Variants in CARD14 observed in about 807,000 individuals in gnomAD.
The protein encoded by CARD14 is caspase recruitment domain family member 14, also known as caspase recruitment domain-containing protein 14.
CARD14 carries 107 observed loss-of-function variants against 111.5 expected under a neutral mutation model. The ratio of observed to expected loss-of-function variants is 0.96; its 90% CI spans 0.82 to 1.13. The LOEUF is 1.13. Among genes scored for constraint, CARD14 ranks in the 50% most tolerant of loss-of-function variants. CARD14 has a pLI of 0.00. For synonymous variants in CARD14, 617 were observed against 579.6 expected (o/e 1.06, Z -0.93); for missense variants, 1,322 against 1,362.3 (o/e 0.97, Z 0.47).
At chr17:80,207,197 G>A (rs777317088) in intron 23 of CARD14, 112 bp downstream of exon 23, 38 of 669,008 alleles carry the variant, frequency 5.7e-5, no homozygotes, top group Non-Finnish European at 6.8e-5. Context: ...AAGCTGAGGC[G>A]CTGACAGGGC....
intron 10 of CARD14, 123 bp from the exon 11 acceptor site, chr17:80,191,200 A>T (rs1567881154): frequency 8.3e-7 from 1 of 1,206,100 alleles, no homozygotes; most frequent in Non-Finnish European, 1.2e-6. Flanking sequence ...AAGTTTGCAC[A>T]GCTCAGCGTG....
chr17:80,180,645 C>T (rs768972780), intron 4 of CARD14, among the ~76,000 whole-genome samples: 4 of 152,176 alleles, frequency 2.6e-5, no homozygotes, highest in Non-Finnish European at 4.4e-5. Flanking sequence ...GGCACGATCT[C>T]GGCTCTAGAG....
chr17:80,207,693 A>G (rs551725716), intron 23 of CARD14: 7 of 166,204 alleles, frequency 4.2e-5, no homozygotes, highest in Admixed American at 1.3e-4. Flanking sequence ...TCACTGGAAA[A>G]TGACATTTTA....
chr17:80,204,968 C>T (rs1469006011), intron 20 of CARD14, 67 bp from the exon 21 acceptor site: 16 of 1,372,324 alleles, frequency 1.2e-5, no homozygotes, highest in South Asian at 4.3e-5. Flanking sequence ...CAGTCCCTCC[C>T]GGGGCAGGGT....
chr17:80,189,993 A>C lies in CARD14; in HGVS notation c.963+121A>C, dbSNP rs987015306. On this transcript the variant is annotated intron_variant, in intron 9 of 23. Transcript: ENST00000648509. This position sits in a 1 kb window ranked among gnomAD's most constrained non-coding sequence, Gnocchi z 4.7. ...CGAGCTCACATAATTTTGCTGAACG[A>C]ATCTGTCGGCCTGTTCATCTGTCCC... 4 of 1,356,314 alleles carry C rather than the reference A, an allele frequency of 2.9e-6. No homozygotes were observed. In the South Asian group the frequency reaches 5.9e-5, roughly 20 times the overall value. The allele number at this position is 1,356,314 out of a possible 1,614,324, so 84.0% of individuals were successfully genotyped here.
At chr17:80,190,525 A>C (rs2040489395) in intron 9 of CARD14, among the ~76,000 whole-genome samples, 2 of 151,746 alleles carry the variant, frequency 1.3e-5, no homozygotes, top group African/African-American at 4.8e-5. Flanking sequence ...AGGCACGAGA[A>C]TCGCTTGAAC....
chr17:80,191,038 C>G (rs117097614), intron 10 of CARD14, 139 bp downstream of exon 10: 1 of 1,227,664 alleles, frequency 8.1e-7, no homozygotes, highest in Non-Finnish European at 1.1e-6. Context: ...TCGGTCCACA[C>G]GAAGTTTCTT....
At position 80,198,182 on chromosome 17, in the gene CARD14, C is replaced by T. The variant is rs2040787444; in HGVS notation, c.1658+20C>T. The T allele has an allele frequency of 6.2e-7, 1 of 1,613,120 alleles. No homozygotes were observed. Among genetic ancestry groups the T allele is most frequent in the African/African-American group, 1.3e-5 (1 of 75,030 alleles). On this transcript the variant is annotated intron_variant, in intron 15 of 23. Coordinates refer to ENST00000648509, the MANE Select transcript of CARD14 (RefSeq NM_001366385.1). The surrounding 1 kb of genome is among the most constrained non-coding windows in gnomAD (Gnocchi z 7.5). Reference sequence around the variant, plus strand: ...GGAGAGGTAAGCAGCAGGTGGGAATCCTCCGAGGCTGGCTGGGGAACCAGG... The same window carrying T: ...GGAGAGGTAAGCAGCAGGTGGGAATTCTCCGAGGCTGGCTGGGGAACCAGG...
intron 4 of CARD14, 103 bp from the exon 5 acceptor site, chr17:80,181,316 C>T (rs1279823166): frequency 4.7e-6 from 4 of 843,240 alleles, no homozygotes; most frequent in Non-Finnish European, 7.4e-6. Flanking sequence ...AAAGAGTGCG[C>T]CTTGCTAATT....
chr17:80,174,913 C>T (rs1223498958), intron 2 of CARD14, among the ~76,000 whole-genome samples: 1 of 152,178 alleles, frequency 6.6e-6, no homozygotes, highest in Non-Finnish European at 1.5e-5. Flanking sequence ...CACCTGTGCC[C>T]CCAGTGCCCC....
chr17:80,201,066 C>A lies in CARD14; in HGVS notation c.1852-678C>A, dbSNP rs1279118090. The A allele has an allele frequency of 6.6e-6, 1 of 152,380 alleles. No homozygotes were observed. Among genetic ancestry groups the A allele is most frequent in the East Asian group, 1.9e-4 (1 of 5,202 alleles). 9.4% of individuals were successfully genotyped at this position (152,380 alleles called of 1,614,324 possible). A position where few individuals can be genotyped will look rare whatever the true frequency, so the allele number is the denominator to read the frequency against. ...TTGGGGAACCCTGCTCTTAAGGTTCCCAATTATCAGCTCTGAGGTAGTTCA... is the reference window on the plus strand; with the variant it reads ...TTGGGGAACCCTGCTCTTAAGGTTCACAATTATCAGCTCTGAGGTAGTTCA... On this transcript the variant is annotated intron_variant, in intron 16 of 23. Coordinates refer to ENST00000648509, the MANE Select transcript of CARD14 (RefSeq NM_001366385.1). The surrounding 1 kb of genome is among the most constrained non-coding windows in gnomAD (Gnocchi z 5.0).
intron 7 of CARD14, among the ~76,000 whole-genome samples, chr17:80,186,480 G>A (rs1177942933): frequency 6.6e-6 from 1 of 152,136 alleles, no homozygotes. Flanking sequence ...GGGTCATCTT[G>A]TACCCGGCCT....
chr17:80,195,277 G>A lies in CARD14; in HGVS notation c.1443G>A (p.Gln481=), dbSNP rs994010684. 1.1e-5 allele frequency: 17 copies of A among 1,613,000 alleles called. No homozygotes were observed. In the South Asian group the frequency reaches 1.9e-4, roughly 18 times the overall value. ...CCAGCAGCCCCGCGCCCCCCAGCCA[G>A]CAGTCCCTGTACAAGCGGGTGGCCG... ...FRSSSPAPPS[Q]QSLYKRVAED... The change falls in exon 13 of 24, where the codon CAG becomes CAA. Residue 481 remains glutamine, a synonymous_variant. Coordinates refer to ENST00000648509, the MANE Select transcript of CARD14 (RefSeq NM_001366385.1). The surrounding 1 kb of genome is among the most constrained non-coding windows in gnomAD (Gnocchi z 4.7).
At chr17:80,192,469 G>C in intron 11 of CARD14, 34 bp from the exon 12 acceptor site, 1 of 1,571,902 alleles carries the variant, frequency 6.4e-7, no homozygotes, top group East Asian at 2.3e-5. Flanking sequence ...AACCTTTCCC[G>C]AATTAACCAG....
At chr17:80,192,308 A>C (rs1412910186) in intron 11 of CARD14, 195 bp from the exon 12 acceptor site, 1 of 551,330 alleles carries the variant, frequency 1.8e-6, no homozygotes, top group Admixed American at 3.2e-5. Context: ...GGTTTCTTTC[A>C]GTCTCTTTGA....
At chr17:80,196,193 G>A (rs2018233) in intron 14 of CARD14, 12,025 of 152,784 alleles carry the variant, frequency 0.079, 543 homozygotes, top group South Asian at 0.13. Flanking sequence ...CCACCTCGGC[G>A]CGACCGGCTC....
chr17:80,182,704 T>A lies in CARD14; in HGVS notation c.263T>A (p.Phe88Tyr). Residue 88 changes from phenylalanine to tyrosine, a missense_variant, in exon 6 of 24, where the codon TTC becomes TAC. Transcript: ENST00000648509. The surrounding 1 kb of genome is among the most constrained non-coding windows in gnomAD (Gnocchi z 4.7). ...CGAGGGAAGAACGGGGCCATCGCCT[T>A]CCTGGAGAGCCTGAAGTTCCACAAC... is the stretch of plus-strand genomic sequence containing the variant. The part of the protein sequence containing the change: ...KTRGKNGAIA[F>Y]LESLKFHNPD... 1 of 1,614,150 alleles carries A rather than the reference T, an allele frequency of 6.2e-7. No homozygotes were observed. The highest frequency in any genetic ancestry group is 8.5e-7 in the Non-Finnish European group (1 of 1,180,014).
rs745532378 is a variant in CARD14 at position 80,198,551 on chromosome 17, C to T, written c.1811C>T (p.Ala604Val). 9.9e-6 allele frequency: 16 copies of T among 1,612,918 alleles called. No homozygotes were observed. Among genetic ancestry groups the T allele is most frequent in the Non-Finnish European group, 1.1e-5 (13 of 1,179,844 alleles). The change falls in exon 16 of 24, where the codon GCG becomes GTG. Residue 604 changes from alanine (A) to valine (V), a missense_variant. Coordinates refer to ENST00000648509, the MANE Select transcript of CARD14 (RefSeq NM_001366385.1). This position sits in a 1 kb window ranked among gnomAD's most constrained non-coding sequence, Gnocchi z 7.5. ...CACCGGGTCACCCCGGGCTCGGCGG[C>T]GGACCAGATGGCCTTGCGCCCGGGC... ...FIHRVTPGSA[A>V]DQMALRPGTQ...
intron 11 of CARD14, among the ~76,000 whole-genome samples, chr17:80,191,737 AG>A (rs1352107693): frequency 6.6e-6 from 1 of 152,242 alleles, no homozygotes; most frequent in Non-Finnish European, 1.5e-5. Flanking sequence ...TGGGGAGCTT[AG>A]CGGAAGGTTC....
Sources: allele counts gnomAD v4.1 joint callset (sites outside exome capture counted in the v4.1 genomes callset), GRCh38; gene constraint gnomAD v4.1.1; non-coding constraint Gnocchi (gnomAD v3.1); transcripts MANE v1.5; gene names NCBI Gene and HGNC (gene_info 2026-07-23, HGNC 2026-07-21).